DNER: variants seen among roughly 807,000 people sequenced by gnomAD.
DNER encodes the protein delta and Notch-like epidermal growth factor-related receptor.
DNER carries 33 observed loss-of-function variants against 78.2 expected under a neutral mutation model. The ratio of observed to expected loss-of-function variants is 0.42; its 90% confidence interval spans 0.32 to 0.56. The LOEUF is 0.56. Ranked by LOEUF, DNER falls within the 20% of genes least tolerant of loss-of-function variation. The pLI, the probability that DNER is intolerant of heterozygous loss-of-function variation, is 0.11. For missense variants in DNER, 918 were observed against 975.3 expected (o/e 0.94, Z 0.78); for synonymous variants, 417 against 384.8 (o/e 1.08, Z -0.98).
At chr2:229,684,126 G>GTGTGTT (rs1699436562) in intron 1 of DNER, among the ~76,000 whole-genome samples, 1 of 145,134 alleles carries the variant, frequency 6.9e-6, no homozygotes, top group Non-Finnish European at 1.5e-5. Context: ...GTGTGTGTTT[G>GTGTGTT]TGTGTGTGTC....
At chr2:229,408,866 A>G (rs1489968334) in intron 9 of DNER, among the ~76,000 whole-genome samples, 1 of 152,176 alleles carries the variant, frequency 6.6e-6, no homozygotes, top group Admixed American at 6.5e-5. Flanking sequence ...CAAGCCATCA[A>G]CAATATTCTG....
At chr2:229,394,803 A>C (rs1012742581) in intron 10 of DNER, among the ~76,000 whole-genome samples, 1 of 152,194 alleles carries the variant, frequency 6.6e-6, no homozygotes, top group African/African-American at 2.4e-5. Context: ...AAATTAGACA[A>C]GATTTTCTAA....
chr2:229,571,070 G>T (rs1235425247), intron 4 of DNER, among the ~76,000 whole-genome samples: 2 of 152,152 alleles, frequency 1.3e-5, no homozygotes, highest in Non-Finnish European at 2.9e-5. Context: ...AGGCCAGTGA[G>T]GCAGCTTCTG....
At chr2:229,607,691 T>C (rs879168086) in intron 1 of DNER, among the ~76,000 whole-genome samples, 1 of 152,106 alleles carries the variant, frequency 6.6e-6, no homozygotes, top group Admixed American at 6.6e-5. Context: ...ATTTGCCATG[T>C]AGAGAAACTT....
intron 7 of DNER, among the ~76,000 whole-genome samples, chr2:229,448,924 T>G (rs1694396025): frequency 6.6e-6 from 1 of 152,240 alleles, no homozygotes; most frequent in South Asian, 2.1e-4. Context: ...ACAATTTTTG[T>G]TGTTGTTAAG....
chr2:229,499,552 T>C (rs1353987448), intron 6 of DNER, among the ~76,000 whole-genome samples: 1 of 151,904 alleles, frequency 6.6e-6, no homozygotes, highest in East Asian at 1.9e-4. Context: ...AATTGGACTC[T>C]GATCTCACAT....
At chr2:229,705,609 C>A (rs572723646) in intron 1 of DNER, among the ~76,000 whole-genome samples, 9 of 152,116 alleles carry the variant, frequency 5.9e-5, no homozygotes, top group South Asian at 2.1e-4. Context: ...AGAGTAATGA[C>A]CCCATACTCA....
chr2:229,561,629 A>G (rs945180609), intron 4 of DNER, among the ~76,000 whole-genome samples: 1 of 152,194 alleles, frequency 6.6e-6, no homozygotes, highest in African/African-American at 2.4e-5. Context: ...TTCCCATAGT[A>G]AAGTGTTATT....
chr2:229,447,300 T>C lies in DNER; in HGVS notation c.1486+16A>G. On this transcript the variant is annotated intron_variant, in intron 8 of 12. Transcript: ENST00000341772. ...ATTGAGAAAAGGAAGATGTACTGTG[T>C]AGGGGCGGTACCCACCTGGATCACA... is the stretch of plus-strand genomic sequence containing the variant. 1 of 1,578,658 alleles carries C rather than the reference T, an allele frequency of 6.3e-7. No homozygotes were observed.
intron 4 of DNER, among the ~76,000 whole-genome samples, chr2:229,552,492 A>G (rs1696765084): frequency 6.6e-6 from 1 of 152,202 alleles, no homozygotes; most frequent in African/African-American, 2.4e-5. Flanking sequence ...GAGGTAGTTT[A>G]ATCGTGGAAA....
At chr2:229,569,682 C>T (rs1218513104) in intron 4 of DNER, among the ~76,000 whole-genome samples, 1 of 152,060 alleles carries the variant, frequency 6.6e-6, no homozygotes, top group Non-Finnish European at 1.5e-5. Flanking sequence ...ATTATTATTA[C>T]ACTGTATTAG....
intron 10 of DNER, among the ~76,000 whole-genome samples, chr2:229,398,542 TAAC>T (rs575682986): frequency 3.9e-4 from 59 of 152,190 alleles, no homozygotes; most frequent in African/African-American, 1.4e-3. Flanking sequence ...AAATACATAA[TAAC>T]TTTTTTAAAA....
intron 11 of DNER, among the ~76,000 whole-genome samples, chr2:229,379,658 G>C (rs760620526): frequency 6.6e-6 from 1 of 152,092 alleles, no homozygotes; most frequent in Non-Finnish European, 1.5e-5. Flanking sequence ...AAGGCACAAA[G>C]TGTGTCAATT....
At chr2:229,383,745 T>G (rs923572880) in intron 11 of DNER, among the ~76,000 whole-genome samples, 1 of 152,014 alleles carries the variant, frequency 6.6e-6, no homozygotes, top group Admixed American at 6.6e-5. Flanking sequence ...TAAAGGAGCA[T>G]CCAGATTCAT....
At chr2:229,373,907 G>A (rs1234252845) in intron 11 of DNER, among the ~76,000 whole-genome samples, 1 of 152,178 alleles carries the variant, frequency 6.6e-6, no homozygotes. Context: ...GCTCACACCT[G>A]TAATCCCAGC....
At chr2:229,619,118 A>G (rs1050993048) in intron 1 of DNER, among the ~76,000 whole-genome samples, 3 of 151,912 alleles carry the variant, frequency 2.0e-5, no homozygotes, top group Admixed American at 2.0e-4. Flanking sequence ...AGCCTGGGGG[A>G]CAAAGTGAAA....
chr2:229,667,940 A>AAAT, intron 1 of DNER, among the ~76,000 whole-genome samples: 2 of 152,152 alleles, frequency 1.3e-5, no homozygotes, highest in Non-Finnish European at 2.9e-5. Context: ...CCATGGAGGG[A>AAAT]CTCATTGGAG....
chr2:229,416,593 C>T (rs1181666382), intron 9 of DNER, among the ~76,000 whole-genome samples: 2 of 152,140 alleles, frequency 1.3e-5, no homozygotes, highest in Non-Finnish European at 2.9e-5. Flanking sequence ...ATCAGTACAC[C>T]CCTCTGCCTC....
chr2:229,613,573 A>G (rs530661829), intron 1 of DNER, among the ~76,000 whole-genome samples: 1 of 152,268 alleles, frequency 6.6e-6, no homozygotes. Flanking sequence ...AACCACAAAC[A>G]TAATATATGG....
Sources: gnomAD v4.1 joint callset for allele counts (sites outside exome capture counted in the v4.1 genomes callset) on GRCh38, gnomAD v4.1.1 for gene constraint, MANE v1.5 for transcripts, NCBI Gene and HGNC (gene_info 2026-07-23, HGNC 2026-07-21) for gene names.